DHTKD1: variants seen among roughly 807,000 people sequenced by gnomAD.
The protein encoded by DHTKD1 is dehydrogenase E1 and transketolase domain containing 1, also known as 2-oxoadipate dehydrogenase complex component E1.
A neutral mutation model predicts 101.8 loss-of-function variants in DHTKD1; 78 were observed. The ratio of observed to expected loss-of-function variants is 0.77; its 90% confidence interval spans 0.64 to 0.93. The LOEUF is 0.93. Ranked by LOEUF, DHTKD1 falls within the 40% of genes least tolerant of loss-of-function variation. DHTKD1 has a pLI of 0.00. For missense variants in DHTKD1, 1,223 were observed against 1,161.7 expected, an observed-to-expected ratio of 1.05 and a Z score of -0.77; for synonymous variants, 462 against 450.3, an observed-to-expected ratio of 1.03 and a Z score of -0.33.
intron 3 of DHTKD1, among the ~76,000 whole-genome samples, chr10:12,086,221 CTTTTCTTTT>C: frequency 1.3e-5 from 1 of 78,072 alleles, no homozygotes; most frequent in African/African-American, 4.8e-5. Flanking sequence ...CTTTTGTTTT[CTTTTCTTTT>C]TTTTTTTTTT....
intron 5 of DHTKD1, among the ~76,000 whole-genome samples, chr10:12,090,366 T>C (rs1832968097): frequency 9.0e-6 from 1 of 110,676 alleles, no homozygotes; most frequent in Admixed American, 9.7e-5. Flanking sequence ...CGGCCCTCCC[T>C]CCCTTCCTTC....
chr10:12,083,341 TTGGGCCACATTCAAAGCTGTCC>T (rs1388212630), intron 2 of DHTKD1, among the ~76,000 whole-genome samples: 67 of 152,268 alleles, frequency 4.4e-4, no homozygotes, highest in African/African-American at 1.3e-3. Flanking sequence ...TTCATTTGTG[TTGGGCCACATTCAAAGCTGTCC>T]TGGGCCACAT....
intron 1 of DHTKD1, among the ~76,000 whole-genome samples, chr10:12,079,141 T>G (rs10906064): frequency 0.48 from 72,715 of 151,994 alleles, 19,512 homozygotes; most frequent in South Asian, 0.72. Flanking sequence ...CAGGCTAGAG[T>G]GCAGTGGTGA....
In DHTKD1 at chr10:12,087,452, C is replaced by T. The variant is rs1485520334; in HGVS notation, c.523-83C>T. On this transcript the variant is annotated intron_variant, in intron 3 of 16. Coordinates refer to ENST00000263035, the MANE Select transcript of DHTKD1 (RefSeq NM_018706.7). The surrounding 1 kb of genome is among the most constrained non-coding windows in gnomAD (Gnocchi z 5.2). ...CCACTTGGGGAGTGTGGGGCCATCT[C>T]ACAACACACACAGACTTATCTGCCT... is the stretch of plus-strand genomic sequence containing the variant. 9.6e-6 allele frequency: 12 copies of T among 1,256,324 alleles called. No homozygotes were observed. Among genetic ancestry groups the T allele is most frequent in the Non-Finnish European group, 1.3e-5 (12 of 899,938 alleles). The allele number at this position is 1,256,324 out of a possible 1,614,324, so 77.8% of individuals were successfully genotyped here.
At position 12,112,970 on chromosome 10, in the gene DHTKD1, C is replaced by T. The variant is rs1833357661; in HGVS notation, c.2225C>T (p.Pro742Leu). The change falls in exon 13 of 17, where the codon CCT (proline) becomes CTT (leucine). Residue 742 changes from proline to leucine, a missense_variant. By Grantham distance (98) the Pro-to-Leu change is moderately conservative. Transcript: ENST00000263035. ...VNMFVVHPTT[P>L]AQYFHLLRRQ... ...ATGTTTGTGGTTCACCCAACAACTC[C>T]TGCACAGTATTTCCACTTGCTTAGG... 6.2e-7 allele frequency: 1 copy of T among 1,614,000 alleles called. No individual in the cohort carries two copies.
rs1833198149 is a variant in DHTKD1 at position 12,103,276 on chromosome 10, GGGAGAAACTCCTGCTT to G, written c.1896+2097_1896+2112del. Among the ~76,000 whole-genome samples the G allele has an allele frequency of 6.6e-6, 1 of 152,062 alleles. No individual in the cohort carries two copies. The highest frequency in any genetic ancestry group is 1.5e-5 in the Non-Finnish European group (1 of 68,004). On this transcript the variant is annotated intron_variant, in intron 10 of 16. Transcript: ENST00000263035. The surrounding 1 kb of genome is among the most constrained non-coding windows in gnomAD (Gnocchi z 4.8). ...ACCATGTCCTCTATGTGAAGACCCT[GGGAGAAACTCCTGCTT>G]GATCTTGGTAGTGAGAGTAGCTATA...
intron 1 of DHTKD1, among the ~76,000 whole-genome samples, chr10:12,075,960 A>T (rs1832721250): frequency 6.6e-6 from 1 of 151,486 alleles, no homozygotes; most frequent in Admixed American, 6.6e-5. Flanking sequence ...AAAAAAGGAA[A>T]AAGAAAATAA....
intron 12 of DHTKD1, among the ~76,000 whole-genome samples, chr10:12,109,067 G>A (rs908875167): frequency 7.9e-5 from 12 of 152,084 alleles, no homozygotes; most frequent in Admixed American, 3.3e-4. Context: ...CAGGAGAATC[G>A]CTTGAACCCA....
chr10:12,114,803 G>GTTGA (rs1564398629), intron 13 of DHTKD1, among the ~76,000 whole-genome samples: 1 of 84,592 alleles, frequency 1.2e-5, no homozygotes, highest in African/African-American at 4.0e-5. Context: ...TGGTTGGTTG[G>GTTGA]TTGGTTTTTT....
Position 12,107,873 on chromosome 10 carries a change from CGTAGAGCTCTTACTCCCCACGTG to C in DHTKD1, c.2048-32_2048-10del, listed in dbSNP as rs1368208385. 8.4e-5 allele frequency: 120 copies of C among 1,435,936 alleles called. No homozygotes were observed. The highest frequency in any genetic ancestry group is 1.1e-4 in the Non-Finnish European group (117 of 1,021,742). The allele number at this position is 1,435,936 out of a possible 1,614,324, so 88.9% of individuals were successfully genotyped here. A position where few individuals can be genotyped will look rare whatever the true frequency, so the allele number is the denominator to read the frequency against. ...GTGTCAGGCCACTTTGTCCCCGCTT[CGTAGAGCTCTTACTCCCCACGTG>C]GTACTTTTCCAGGAGAGGCCAAGTG... On this transcript the variant is annotated splice_polypyrimidine_tract_variant and intron_variant, in intron 11 of 16. Coordinates refer to ENST00000263035, the MANE Select transcript of DHTKD1 (RefSeq NM_018706.7). The surrounding 1 kb of genome is among the most constrained non-coding windows in gnomAD (Gnocchi z 4.1).
intron 2 of DHTKD1, among the ~76,000 whole-genome samples, chr10:12,082,522 T>C (rs900489749): frequency 1.3e-5 from 2 of 152,148 alleles, no homozygotes; most frequent in African/African-American, 4.8e-5. Flanking sequence ...CCCCAAGACG[T>C]AATGGCATTT....
At chr10:12,119,658 T>C (rs1399565635) in intron 15 of DHTKD1, among the ~76,000 whole-genome samples, 1 of 148,276 alleles carries the variant, frequency 6.7e-6, no homozygotes, top group Non-Finnish European at 1.5e-5. Flanking sequence ...GGTACATATA[T>C]GGGGCCTGTC....
In DHTKD1 at chr10:12,122,386, A is replaced by G. The variant is rs7900468; in HGVS notation, c.*1498A>G. 0.9 allele frequency: 137,208 copies of G among 152,258 alleles called. 62,568 individuals carry two copies. Among genetic ancestry groups the G allele is most frequent in the East Asian group, 1 (5,185 of 5,186 alleles). 9.4% of individuals were successfully genotyped at this position (152,258 alleles called of 1,614,324 possible). On this transcript the variant is annotated 3_prime_UTR_variant, in exon 17 of 17. Coordinates refer to ENST00000263035, the MANE Select transcript of DHTKD1 (RefSeq NM_018706.7). The stretch of plus-strand genomic sequence containing the variant: ...AATCTCAGCACTTTGGGAGGCTGAG[A>G]TGGGTGGATCACCTGAGGTTGGGAG...
chr10:12,091,102 C>T (rs1465730877), intron 5 of DHTKD1, among the ~76,000 whole-genome samples: 1 of 151,952 alleles, frequency 6.6e-6, no homozygotes, highest in African/African-American at 2.4e-5. Flanking sequence ...GTGAAAAGGC[C>T]ATTTTCTTTA....
At chr10:12,111,045 CAAAAAA>C in intron 12 of DHTKD1, among the ~76,000 whole-genome samples, 1 of 100,766 alleles carries the variant, frequency 9.9e-6, no homozygotes, top group African/African-American at 4.0e-5. Context: ...GACCCTGTCT[CAAAAAA>C]AAAAAAAAAA....
At chr10:12,100,302 G>GTTTTTA in intron 9 of DHTKD1, 40 bp downstream of exon 9, 1 of 40,430 alleles carries the variant, frequency 2.5e-5, no homozygotes, top group Non-Finnish European at 3.5e-5. Flanking sequence ...TTTTTTTTTT[G>GTTTTTA]AGTCTCACCC....
chr10:12,120,882 C>T lies in DHTKD1; in HGVS notation c.2754C>T (p.Phe918=), dbSNP rs769062622. Residue 918 remains phenylalanine, a synonymous_variant, in exon 17 of 17, where the codon TTC becomes TTT. Coordinates refer to ENST00000263035, the MANE Select transcript of DHTKD1 (RefSeq NM_018706.7). ...HQHEDILAKT[F]A is the part of the protein sequence containing the mutation. ...ATGAAGATATCCTCGCCAAGACCTT[C>T]GCTTGATGATGACTTTTGAAGAAAC... is the stretch of plus-strand genomic sequence containing the variant. 5 of 1,613,566 alleles carry T rather than the reference C, an allele frequency of 3.1e-6. No homozygotes were observed. The highest frequency in any genetic ancestry group is 1.1e-5 in the South Asian group (1 of 91,074).
intron 12 of DHTKD1, among the ~76,000 whole-genome samples, chr10:12,111,063 AAG>A (rs1491528884): frequency 1.3e-5 from 2 of 151,368 alleles, no homozygotes; most frequent in African/African-American, 4.8e-5. Flanking sequence ...AAAAAAAAAA[AAG>A]GGAGGAACAT....
chr10:12,087,766 T>G lies in DHTKD1; in HGVS notation c.717+37T>G. On this transcript the variant is annotated intron_variant, in intron 4 of 16. Transcript: ENST00000263035. The surrounding 1 kb of genome is among the most constrained non-coding windows in gnomAD (Gnocchi z 5.2). ...CGCTGTGTTTCTCAGTAGCACTATA[T>G]GATTGATTGTAACAGAATAAAACTG... 1 of 1,494,746 alleles carries G rather than the reference T, an allele frequency of 6.7e-7. No individual in the cohort carries two copies. The highest frequency in any genetic ancestry group is 9.0e-7 in the Non-Finnish European group (1 of 1,110,996). The allele number at this position is 1,494,746 out of a possible 1,614,324, so 92.6% of individuals were successfully genotyped here. A position where few individuals can be genotyped will look rare whatever the true frequency, so the allele number is the denominator to read the frequency against.
Sources: allele counts gnomAD v4.1 joint callset (sites outside exome capture counted in the v4.1 genomes callset), GRCh38; gene constraint gnomAD v4.1.1; non-coding constraint Gnocchi (gnomAD v3.1); transcripts MANE v1.5; gene names NCBI Gene and HGNC (gene_info 2026-07-23, HGNC 2026-07-21).